Variants in UNC80 observed in about 807,000 individuals in gnomAD.
The protein encoded by UNC80 is unc-80 subunit of NALCN channel complex.
In UNC80, 164 loss-of-function variants were observed where a neutral mutation model predicts 384.6. The ratio of observed to expected loss-of-function variants is 0.43; its 90% confidence interval spans 0.38 to 0.49. The LOEUF (loss-of-function observed/expected upper bound fraction) is 0.49, where lower values mean the gene tolerates loss of function less well. Ranked by LOEUF, UNC80 falls within the 20% of genes least tolerant of loss-of-function variation. The probability of loss-of-function intolerance (pLI) is 0.00; values close to 1 mark genes in which losing one functional copy is unlikely to be tolerated. For missense variants in UNC80, 3,330 were observed against 4,143.0 expected, an observed-to-expected ratio of 0.80 and a Z score of 5.39; for synonymous variants, 1,486 against 1,527.8, an observed-to-expected ratio of 0.97 and a Z score of 0.64.
chr2:209,914,035 T>C, intron 31 of UNC80, 95 bp downstream of exon 31: 1 of 1,418,140 alleles, frequency 7.1e-7, no homozygotes, highest in Non-Finnish European at 9.4e-7. Context: ...CTATTTTTGC[T>C]CCTAGGTCAA....
rs1276322388 is a variant in UNC80 at position 209,983,673 on chromosome 2, G to A, written c.9258-1183G>A. Reference sequence around the variant, plus strand: ...AAAGTTTTATTTAAATTATAGAATTGTAGAAATTTCATAAAGAGGTTTTTC... The same window carrying A: ...AAAGTTTTATTTAAATTATAGAATTATAGAAATTTCATAAAGAGGTTTTTC... On this transcript the variant is annotated intron_variant, in intron 60 of 64. Coordinates refer to ENST00000673920, the MANE Select transcript of UNC80 (RefSeq NM_001371986.1). 3.3e-5 allele frequency among the ~76,000 whole-genome samples: 5 copies of A among 152,186 alleles called. No homozygotes were observed. The South Asian group carries it at 6.2e-4, about 19-fold the overall frequency.
At chr2:209,933,247 G>GCA (rs947083394) in intron 38 of UNC80, among the ~76,000 whole-genome samples, 9 of 152,144 alleles carry the variant, frequency 5.9e-5, no homozygotes, top group African/African-American at 1.9e-4. Context: ...GTGCAAAAGA[G>GCA]CACACAGTTT....
chr2:209,877,307 C>T (rs2124889881), intron 23 of UNC80, among the ~76,000 whole-genome samples: 1 of 152,190 alleles, frequency 6.6e-6, no homozygotes, highest in Non-Finnish European at 1.5e-5. Flanking sequence ...TCTAAGAATA[C>T]CGTGTAAAAA....
chr2:209,921,790 C>A, intron 34 of UNC80, 104 bp downstream of exon 34: 1 of 1,259,278 alleles, frequency 7.9e-7, no homozygotes, highest in East Asian at 2.6e-5. Context: ...GATATGCCCC[C>A]TTCCATCTCT....
At chr2:209,789,471 C>T in intron 5 of UNC80, 61 bp from the exon 6 acceptor site, 1 of 1,126,828 alleles carries the variant, frequency 8.9e-7, no homozygotes, top group South Asian at 1.4e-5. Context: ...ATGAAATGAA[C>T]TTATGAAATA....
intron 51 of UNC80, among the ~76,000 whole-genome samples, chr2:209,960,018 C>T (rs1313377938): frequency 2.6e-5 from 4 of 152,172 alleles, no homozygotes; most frequent in Admixed American, 6.5e-5. Context: ...AAGTAGCCTT[C>T]TTCTCACTAC....
chr2:209,975,981 A>G, intron 56 of UNC80, 138 bp from the exon 57 acceptor site: 1 of 872,304 alleles, frequency 1.1e-6, no homozygotes, highest in Admixed American at 2.9e-5. Flanking sequence ...TCGGGAATAC[A>G]TACGAAGTTT....
At chr2:209,956,845 C>T (rs1485741134) in intron 48 of UNC80, among the ~76,000 whole-genome samples, 1 of 152,106 alleles carries the variant, frequency 6.6e-6, no homozygotes, top group Non-Finnish European at 1.5e-5. Context: ...GGAGCCATCT[C>T]TAAATTGTGT....
At chr2:209,939,444 T>C (rs1304886903) in intron 42 of UNC80, 28 bp from the exon 43 acceptor site, 2 of 1,531,208 alleles carry the variant, frequency 1.3e-6, no homozygotes, top group Non-Finnish European at 1.8e-6. Flanking sequence ...TACTCCTTTT[T>C]GTCTGCTCCT....
intron 29 of UNC80, among the ~76,000 whole-genome samples, chr2:209,907,056 C>T (rs1338488079): frequency 6.6e-6 from 1 of 152,140 alleles, no homozygotes; most frequent in Non-Finnish European, 1.5e-5. Flanking sequence ...CTCCATGAAA[C>T]TTTTTTGATT....
At chr2:209,985,944 G>A (rs960496792) in intron 61 of UNC80, among the ~76,000 whole-genome samples, 7 of 149,934 alleles carry the variant, frequency 4.7e-5, no homozygotes, top group African/African-American at 1.8e-4. Flanking sequence ...GTCCATCATC[G>A]GGTGTATTTT....
In UNC80 at chr2:209,922,355, G is replaced by A; in HGVS notation, c.5634G>A (p.Trp1878Ter). ...ATTCCTTCCGCCGCGGGTCAGTCTG[G>A]TCAGTGCGTTCAGCCGTCAGTGCTG... ...RNYSFRRGSVWSVRSAVSAED... is the reference protein window; with the variant it reads ...RNYSFRRGSV Residue 1878 changes from tryptophan to a stop codon, truncating the protein, a stop_gained, in exon 35 of 65, where the codon TGG becomes TGA. Transcript: ENST00000673920. LOFTEE classifies it high-confidence loss of function. 1 of 1,551,796 alleles carries A rather than the reference G, an allele frequency of 6.4e-7. No homozygotes were observed. Among genetic ancestry groups the A allele is most frequent in the Non-Finnish European group, 8.7e-7 (1 of 1,146,982 alleles).
At position 209,814,559 on chromosome 2, in the gene UNC80, GTCTTAATGTCATCA is replaced by G. The variant is rs1475200441; in HGVS notation, c.1201-696_1201-683del. Among the ~76,000 whole-genome samples the G allele has an allele frequency of 9.9e-5, 15 of 152,212 alleles. No homozygotes were observed. The East Asian group carries it at 2.5e-3, about 25-fold the overall frequency. On this transcript the variant is annotated intron_variant, in intron 8 of 64. Coordinates refer to ENST00000673920, the MANE Select transcript of UNC80 (RefSeq NM_001371986.1). ...CCGCGCCTGGCCAACATTTTCCAGT[GTCTTAATGTCATCA>G]TTAGGAATATTGCATTTTGATAGTC... is the stretch of plus-strand genomic sequence containing the variant.
chr2:209,921,572 G>A lies in UNC80; in HGVS notation c.5416G>A (p.Glu1806Lys), dbSNP rs2090042324. The stretch of plus-strand genomic sequence containing the variant: ...ACACATCTTAAAGAACTTGCAGCAG[G>A]AGGAAGAAAAGAAACGACTTGGTAG... ...AEHILKNLQQ[E>K]EEKKRLGREA... The change falls in exon 34 of 65, where the codon GAG becomes AAG. Residue 1806 changes from glutamate to lysine, a missense_variant. Glu to Lys is a moderately conservative substitution (Grantham distance 56, BLOSUM62 1). This residue lies in a region of UNC80 where 1,049 missense variants were observed against 1,488.6 expected (regional missense o/e 0.70). Coordinates refer to ENST00000673920, the MANE Select transcript of UNC80 (RefSeq NM_001371986.1). The A allele has an allele frequency of 1.9e-6, 3 of 1,542,504 alleles. No homozygotes were observed. Among genetic ancestry groups the A allele is most frequent in the Non-Finnish European group, 2.6e-6 (3 of 1,141,854 alleles).
intron 61 of UNC80, among the ~76,000 whole-genome samples, chr2:209,988,484 AT>A (rs2093333560): frequency 6.6e-6 from 1 of 152,110 alleles, no homozygotes; most frequent in Non-Finnish European, 1.5e-5. Context: ...CCTATCCTTT[AT>A]ACCTTATTTA....
In UNC80 at chr2:209,784,778, G is replaced by C. The variant is rs539722919; in HGVS notation, c.601-1288G>C. Among the ~76,000 whole-genome samples the C allele has an allele frequency of 2.6e-5, 4 of 152,258 alleles. No individual in the cohort carries two copies. In the South Asian group the frequency reaches 6.2e-4, roughly 24 times the overall value. On this transcript the variant is annotated intron_variant, in intron 4 of 64. Transcript: ENST00000673920. ...AAACCTAGAATAGTACCGGGTATAT[G>C]GTAGGTGCTCTATAAATGTTTACAG...
intron 22 of UNC80, among the ~76,000 whole-genome samples, chr2:209,858,694 CA>C (rs34333434): frequency 0.19 from 24,457 of 125,842 alleles, 2,549 homozygotes; most frequent in African/African-American, 0.35. Flanking sequence ...ACCCTGTTTC[CA>C]AAAAAAAAAA....
At chr2:209,774,544 T>C (rs2076760096) in intron 2 of UNC80, among the ~76,000 whole-genome samples, 1 of 152,180 alleles carries the variant, frequency 6.6e-6, no homozygotes, top group African/African-American at 2.4e-5. Context: ...AAAAGTTGTA[T>C]TAGTGACACT....
At chr2:209,854,625 G>C (rs1375905704) in intron 22 of UNC80, among the ~76,000 whole-genome samples, 1 of 151,912 alleles carries the variant, frequency 6.6e-6, no homozygotes, top group Non-Finnish European at 1.5e-5. Flanking sequence ...ACATTAAAAA[G>C]TGGGCAAAGG....
Sources: allele counts gnomAD v4.1 joint callset (sites outside exome capture counted in the v4.1 genomes callset), GRCh38; gene constraint gnomAD v4.1.1; regional missense constraint gnomAD v4.1.1; transcripts MANE v1.5; gene names NCBI Gene and HGNC (gene_info 2026-07-23, HGNC 2026-07-21).